Variants in SLC24A2 observed in about 807,000 individuals in gnomAD.
SLC24A2 encodes the protein sodium/potassium/calcium exchanger 2.
Under a neutral mutation model 62.0 loss-of-function variants are expected in SLC24A2, and 36 were observed. That is an observed-to-expected ratio of 0.58 (90% CI 0.44 to 0.77). SLC24A2 has a LOEUF of 0.77. SLC24A2 is among the 30% of genes least tolerant of loss of function. The pLI, the probability that SLC24A2 is intolerant of heterozygous loss-of-function variation, is 0.00. For synonymous variants in SLC24A2, 358 were observed against 294.0 expected, an observed-to-expected ratio of 1.22 and a Z score of -2.23; for missense variants, 846 against 817.9, an observed-to-expected ratio of 1.03 and a Z score of -0.42.
the SLC24A2 span, among the ~76,000 whole-genome samples, chr9:19,851,224 G>A: frequency 6.7e-6 from 1 of 149,294 alleles, no homozygotes; most frequent in Non-Finnish European, 1.5e-5. Flanking sequence ...GGGGTTTCAC[G>A]ATGTCGGCTA....
At chr9:20,209,095 G>A in the SLC24A2 span, among the ~76,000 whole-genome samples, 3 of 152,190 alleles carry the variant, frequency 2.0e-5, no homozygotes, top group African/African-American at 7.2e-5. Context: ...AGCATTAAAT[G>A]TGATGATGTA....
chr9:19,713,096 AT>A (rs977110398), intron 2 of SLC24A2, among the ~76,000 whole-genome samples: 1 of 152,068 alleles, frequency 6.6e-6, no homozygotes, highest in African/African-American at 2.4e-5. Context: ...TCTTCCCAGT[AT>A]TTATCACTAG....
At chr9:19,550,562 C>T (rs999220492) in intron 7 of SLC24A2, among the ~76,000 whole-genome samples, 34 of 152,174 alleles carry the variant, frequency 2.2e-4, no homozygotes, top group African/African-American at 7.5e-4. Context: ...CTACAATTCA[C>T]GAGCTTCTTA....
the SLC24A2 span, among the ~76,000 whole-genome samples, chr9:20,191,190 A>G: frequency 1.3e-5 from 2 of 151,012 alleles, no homozygotes; most frequent in South Asian, 2.1e-4. Flanking sequence ...GACAGACAAG[A>G]CCTTTGGATC....
chr9:20,060,429 A>G, the SLC24A2 span, among the ~76,000 whole-genome samples: 1 of 152,168 alleles, frequency 6.6e-6, no homozygotes, highest in African/African-American at 2.4e-5. Flanking sequence ...ATTCAGAAAC[A>G]TATAAAAAGG....
chr9:19,752,523 G>GGGGAGATGGACCCTGGCCCAGCCCCTT (rs1822015076), intron 2 of SLC24A2, among the ~76,000 whole-genome samples: 1 of 151,142 alleles, frequency 6.6e-6, no homozygotes. Flanking sequence ...ACGCAATCCT[G>GGGGAGATGGACCCTGGCCCAGCCCCTT]GGGAGCTGGA....
the SLC24A2 span, among the ~76,000 whole-genome samples, chr9:19,918,527 G>T: frequency 1.1e-4 from 16 of 151,986 alleles, no homozygotes; most frequent in African/African-American, 3.4e-4. Context: ...CCACATCTCT[G>T]ATTTCCACCA....
chr9:19,942,624 T>C, the SLC24A2 span, among the ~76,000 whole-genome samples: 6 of 152,162 alleles, frequency 3.9e-5, no homozygotes, highest in Non-Finnish European at 7.4e-5. Context: ...GCGAACACAA[T>C]TGCCATCTCA....
At chr9:20,193,407 G>C in the SLC24A2 span, among the ~76,000 whole-genome samples, 2 of 151,920 alleles carry the variant, frequency 1.3e-5, no homozygotes, top group African/African-American at 2.4e-5. Context: ...AAAAAGAAAA[G>C]CAAGAAAACT....
chr9:20,210,719 T>C, the SLC24A2 span, among the ~76,000 whole-genome samples: 2 of 140,706 alleles, frequency 1.4e-5, no homozygotes, highest in Non-Finnish European at 3.0e-5. Flanking sequence ...TTAGCCAGGA[T>C]GGTCTGGATC....
chr9:19,612,280 T>C (rs1837196302), intron 4 of SLC24A2, among the ~76,000 whole-genome samples: 1 of 152,250 alleles, frequency 6.6e-6, no homozygotes, highest in African/African-American at 2.4e-5. Context: ...GCACTTATTC[T>C]CTGCCAGGCC....
At chr9:20,153,869 G>A in the SLC24A2 span, among the ~76,000 whole-genome samples, 1 of 151,862 alleles carries the variant, frequency 6.6e-6, no homozygotes, top group African/African-American at 2.4e-5. Context: ...TTCTATATAA[G>A]CATGTGTTGC....
the SLC24A2 span, among the ~76,000 whole-genome samples, chr9:20,091,634 C>T: frequency 6.6e-6 from 1 of 152,112 alleles, no homozygotes; most frequent in African/African-American, 2.4e-5. Context: ...GAAATAAGAT[C>T]CTTTCAGATA....
In SLC24A2 at chr9:19,758,812, T is replaced by G. The variant is rs367775322; in HGVS notation, c.930+27125A>C. On this transcript the variant is annotated intron_variant, in intron 2 of 10. Transcript: ENST00000341998. ...AAATCAAGACAGTCATTTCACTTCC[T>G]GCTTATCACTGCTGTCAGTAATTCC... is the stretch of plus-strand genomic sequence containing the variant. 4.9e-4 allele frequency among the ~76,000 whole-genome samples: 74 copies of G among 152,326 alleles called. No homozygotes were observed. In the South Asian group the frequency reaches 0.015, roughly 31 times the overall value.
At chr9:19,729,543 AG>A (rs2118699074) in intron 2 of SLC24A2, among the ~76,000 whole-genome samples, 1 of 152,358 alleles carries the variant, frequency 6.6e-6, no homozygotes, top group Admixed American at 6.5e-5. Flanking sequence ...AGCCATAAAA[AG>A]AATGGAATCC....
At chr9:20,291,366 A>G in the SLC24A2 span, among the ~76,000 whole-genome samples, 1 of 152,186 alleles carries the variant, frequency 6.6e-6, no homozygotes, top group Non-Finnish European at 1.5e-5. Context: ...GTACACAAAG[A>G]CACTTCAAAC....
chr9:19,590,544 C>G (rs896886590), intron 5 of SLC24A2, among the ~76,000 whole-genome samples: 4 of 152,170 alleles, frequency 2.6e-5, no homozygotes, highest in African/African-American at 7.2e-5. Context: ...AATAACCACC[C>G]CTTCTACCCA....
the SLC24A2 span, among the ~76,000 whole-genome samples, chr9:20,204,860 CAGCCTCCCGAGT>C: frequency 1.3e-5 from 2 of 151,528 alleles, no homozygotes; most frequent in African/African-American, 4.9e-5. Context: ...TCTCCTGCCT[CAGCCTCCCGAGT>C]AGCCTGGACT....
At chr9:20,100,448 T>C in the SLC24A2 span, among the ~76,000 whole-genome samples, 178 of 152,318 alleles carry the variant, frequency 1.2e-3, 1 homozygote, top group East Asian at 0.024. Flanking sequence ...ATACACTTAC[T>C]ACACAACTAT....
Sources: gnomAD v4.1 joint callset for allele counts (sites outside exome capture counted in the v4.1 genomes callset) on GRCh38, gnomAD v4.1.1 for gene constraint, MANE v1.5 for transcripts, NCBI Gene and HGNC (gene_info 2026-07-23, HGNC 2026-07-21) for gene names.